Variants in TLDC2 observed in about 807,000 individuals in gnomAD.
TLDC2 encodes TBC/LysM-associated domain containing 2.
A neutral mutation model predicts 27.9 loss-of-function variants in TLDC2; 23 were observed. The ratio of observed to expected loss-of-function variants is 0.82; its 90% CI spans 0.59 to 1.17. The LOEUF (loss-of-function observed/expected upper bound fraction) is 1.17. Among genes scored for constraint, TLDC2 ranks in the 50% most tolerant of loss-of-function variants. The pLI is 0.00. For missense variants in TLDC2, 286 were observed against 273.4 expected, an observed-to-expected ratio of 1.05 and a Z score of -0.32; for synonymous variants, 124 against 107.4, an observed-to-expected ratio of 1.16 and a Z score of -0.96.
At chr20:36,878,148 G>T in intron 2 of TLDC2, 94 bp downstream of exon 2, 3 of 1,391,288 alleles carry the variant, frequency 2.2e-6, no homozygotes, top group Non-Finnish European at 2.9e-6. Context: ...GGCACCTAGA[G>T]TCACTCTTGC....
chr20:36,885,818 C>A (rs1221374705), intron 4 of TLDC2, among the ~76,000 whole-genome samples: 1 of 151,980 alleles, frequency 6.6e-6, no homozygotes, highest in African/African-American at 2.4e-5. Flanking sequence ...AGAAGACAGG[C>A]CACACGGAAC....
intron 4 of TLDC2, among the ~76,000 whole-genome samples, chr20:36,884,610 T>C (rs1299467350): frequency 6.6e-6 from 1 of 151,496 alleles, no homozygotes; most frequent in South Asian, 2.1e-4. Context: ...AGCAAAAAAA[T>C]AGCTGGGTGT....
rs1003030445 is a variant in TLDC2 at position 36,893,133 on chromosome 20, G to C, written c.*289G>C. 6.2e-5 allele frequency: 98 copies of C among 1,588,786 alleles called. No homozygotes were observed. The African/African-American group carries it at 1.2e-3, about 20-fold the overall frequency. ...AGTTTCCATCATCTTATTTCTGAGT[G>C]AAAGTCTCAAGTGCGCACATCCTCA... is the stretch of plus-strand genomic sequence containing the variant. On this transcript the variant is annotated 3_prime_UTR_variant, in exon 7 of 7. Transcript: ENST00000217320.
At chr20:36,880,625 C>T in intron 3 of TLDC2, 30 bp from the exon 4 acceptor site, 1 of 1,597,578 alleles carries the variant, frequency 6.3e-7, no homozygotes. Context: ...AGCTCCCTTC[C>T]AGCTGCAGAC....
rs1201213281 is a variant in TLDC2, at chr20:36,880,682, A to C, written c.370A>C (p.Ile124Leu). The C allele has an allele frequency of 6.2e-7, 1 of 1,614,222 alleles. No homozygotes were observed. The highest frequency in any genetic ancestry group is 1.7e-5 in the Admixed American group (1 of 60,022). ...ATTTGGAGCCTTCTCCTCCTCGGCT[A>C]TCCGACTCAGCAAAGGCTTCTATGG... ...QIFGAFSSSAIRLSKGFYGTG... is the reference protein window; with the variant it reads ...QIFGAFSSSALRLSKGFYGTG... The change falls in exon 4 of 7, where the codon ATC becomes CTC. Residue 124 changes from isoleucine (I) to leucine (L), a missense_variant. Ile to Leu is a conservative substitution (Grantham distance 5, BLOSUM62 2). Transcript: ENST00000217320.
chr20:36,876,831 C>T (rs1036596724), intron 1 of TLDC2, among the ~76,000 whole-genome samples: 2 of 152,030 alleles, frequency 1.3e-5, no homozygotes, highest in African/African-American at 2.4e-5. Context: ...AATAATGATG[C>T]CCCTTATGGA....
intron 6 of TLDC2, chr20:36,890,644 A>T (rs1990051957): frequency 6.6e-6 from 1 of 151,854 alleles, no homozygotes; most frequent in Non-Finnish European, 1.5e-5. Flanking sequence ...TCACCCGGCT[A>T]ATTTTTGTAT....
intron 4 of TLDC2, among the ~76,000 whole-genome samples, chr20:36,884,739 A>G (rs1989883758): frequency 1.3e-5 from 2 of 150,360 alleles, no homozygotes; most frequent in African/African-American, 2.5e-5. Context: ...TCCAACCTGG[A>G]CGACAGAGCA....
chr20:36,889,398 C>A lies in TLDC2; in HGVS notation c.*12C>A. ...GGCTTCTCAGCTGACAGCCCTGCGG[C>A]AACAGGTACTCAGCCCTGCTCATGA... On this transcript the variant is annotated 3_prime_UTR_variant, in exon 6 of 7. Coordinates refer to ENST00000217320, the MANE Select transcript of TLDC2 (RefSeq NM_080628.3). 1 of 1,612,810 alleles carries A rather than the reference C, an allele frequency of 6.2e-7. No homozygotes were observed. Among genetic ancestry groups the A allele is most frequent in the Non-Finnish European group, 8.5e-7 (1 of 1,179,792 alleles).
chr20:36,882,412 G>C (rs1054445966), intron 4 of TLDC2, among the ~76,000 whole-genome samples: 1 of 152,186 alleles, frequency 6.6e-6, no homozygotes, highest in Admixed American at 6.5e-5. Context: ...AACACGGCCA[G>C]GTGCAGTGGC....
At chr20:36,885,285 A>G (rs1989898537) in intron 4 of TLDC2, among the ~76,000 whole-genome samples, 1 of 152,200 alleles carries the variant, frequency 6.6e-6, no homozygotes, top group South Asian at 2.1e-4. Context: ...GCCTGAAAAT[A>G]GTGCCTGGTG....
At chr20:36,880,604 A>G in intron 3 of TLDC2, 51 bp from the exon 4 acceptor site, 1 of 1,510,608 alleles carries the variant, frequency 6.6e-7, no homozygotes, top group Non-Finnish European at 9.2e-7. Flanking sequence ...GAGGGTTGCC[A>G]GAGGACCCCT....
At chr20:36,876,724 C>T (rs773360022) in intron 1 of TLDC2, among the ~76,000 whole-genome samples, 6 of 151,888 alleles carry the variant, frequency 4.0e-5, no homozygotes, top group Admixed American at 1.3e-4. Flanking sequence ...AATGCACTCA[C>T]ACACTCAAAC....
At chr20:36,880,611 C>A in intron 3 of TLDC2, 44 bp from the exon 4 acceptor site, 1 of 1,550,392 alleles carries the variant, frequency 6.4e-7, no homozygotes. Flanking sequence ...GCCAGAGGAC[C>A]CCTAGCTCCC....
intron 4 of TLDC2, 129 bp from the exon 5 acceptor site, chr20:36,887,326 C>CT: frequency 1.3e-6 from 1 of 786,668 alleles, no homozygotes; most frequent in East Asian, 2.5e-5. Context: ...CCCGGAGTCC[C>CT]ACCTGCGGCT....
chr20:36,880,674 C>T lies in TLDC2; in HGVS notation c.362C>T (p.Ser121Phe). ...TTCCAGATATTTGGAGCCTTCTCCTCCTCGGCTATCCGACTCAGCAAAGGC... is the reference window on the plus strand; with the variant it reads ...TTCCAGATATTTGGAGCCTTCTCCTTCTCGGCTATCCGACTCAGCAAAGGC... ...QDGQIFGAFS[S>F]SAIRLSKGFY... The change falls in exon 4 of 7, where the codon TCC becomes TTC. Residue 121 changes from serine to phenylalanine, a missense_variant. Ser to Phe is a radical substitution (Grantham distance 155, BLOSUM62 -2). Transcript: ENST00000217320. 2 of 1,614,230 alleles carry T rather than the reference C, an allele frequency of 1.2e-6. No individual in the cohort carries two copies. The highest frequency in any genetic ancestry group is 1.7e-6 in the Non-Finnish European group (2 of 1,180,022).
At position 36,876,226 on chromosome 20, in the gene TLDC2, T is replaced by C. The variant is rs2148342868; in HGVS notation, c.33+19T>C. The C allele has an allele frequency of 3.7e-6, 6 of 1,614,102 alleles. No homozygotes were observed. Among genetic ancestry groups the C allele is most frequent in the Non-Finnish European group, 5.1e-6 (6 of 1,179,976 alleles). ...TCGGCTGGTAAGGGTTCCAACTCCGTCTGTGGTGCAGGTTGGGAGGTGAAA... is the reference window on the plus strand; with the variant it reads ...TCGGCTGGTAAGGGTTCCAACTCCGCCTGTGGTGCAGGTTGGGAGGTGAAA... On this transcript the variant is annotated intron_variant, in intron 1 of 6. Transcript: ENST00000217320.
chr20:36,881,158 T>C (rs563852463), intron 4 of TLDC2, among the ~76,000 whole-genome samples: 3 of 152,198 alleles, frequency 2.0e-5, no homozygotes, highest in East Asian at 3.9e-4. Flanking sequence ...GAAGGTGGAT[T>C]GCTTGAGTCC....
intron 2 of TLDC2, 43 bp downstream of exon 2, chr20:36,878,097 TAA>T: frequency 1.3e-6 from 2 of 1,581,700 alleles, no homozygotes; most frequent in Admixed American, 1.8e-5. Context: ...GCCCTAAACC[TAA>T]GAGTCTCACC....
Sources: allele counts gnomAD v4.1 joint callset (sites outside exome capture counted in the v4.1 genomes callset), GRCh38; gene constraint gnomAD v4.1.1; transcripts MANE v1.5; gene names NCBI Gene and HGNC (gene_info 2026-07-23, HGNC 2026-07-21).